Variants in FCHO1 observed in about 807,000 individuals in gnomAD.
FCHO1 encodes the protein F-BAR domain only protein 1.
A neutral mutation model predicts 114.4 loss-of-function variants in FCHO1; 45 were observed. The observed-to-expected ratio is 0.39, with a 90% CI of 0.31 to 0.50. The LOEUF (loss-of-function observed/expected upper bound fraction) is 0.50. Among genes scored for constraint, FCHO1 ranks in the 20% least tolerant of loss-of-function variants. The pLI is 0.77. For missense variants in FCHO1, 1,042 were observed against 1,209.6 expected (o/e 0.86, Z 2.06); for synonymous variants, 480 against 488.9 (o/e 0.98, Z 0.24).
intron 4 of FCHO1, chr19:17,755,539 T>G: frequency 9.9e-6 from 2 of 201,552 alleles, no homozygotes; most frequent in Non-Finnish European, 1.0e-5. Context: ...GCCAGGGAAC[T>G]TCCACCCCCT....
At chr19:17,783,255 T>TG (rs35918593) in intron 24 of FCHO1, 83 bp downstream of exon 24, 1 of 1,387,462 alleles carries the variant, frequency 7.2e-7, no homozygotes, top group Non-Finnish European at 9.7e-7. Flanking sequence ...CTCTGCTTCC[T>TG]GGGATTTTTT....
At chr19:17,781,377 G>A (rs1011997302) in intron 21 of FCHO1, 34 bp downstream of exon 21, 2 of 1,608,768 alleles carry the variant, frequency 1.2e-6, no homozygotes, top group Non-Finnish European at 1.7e-6. Context: ...GCTGGACTGG[G>A]GGTCGCGTCT....
chr19:17,756,934 AT>A (rs1253211138), intron 4 of FCHO1, among the ~76,000 whole-genome samples: 2 of 152,164 alleles, frequency 1.3e-5, no homozygotes, highest in Non-Finnish European at 2.9e-5. Flanking sequence ...CATGCCTGTA[AT>A]CCCAGCACTT....
chr19:17,754,890 G>T, intron 3 of FCHO1: 1 of 487,474 alleles, frequency 2.1e-6, no homozygotes. Flanking sequence ...GTCCAGTTCT[G>T]ACTCTGTGGA....
intron 18 of FCHO1, among the ~76,000 whole-genome samples, chr19:17,777,033 A>G (rs1255142821): frequency 6.6e-6 from 1 of 151,692 alleles, no homozygotes; most frequent in Admixed American, 6.6e-5. Context: ...CCTGACCTCA[A>G]GTGATCTGCC....
intron 9 of FCHO1, among the ~76,000 whole-genome samples, chr19:17,771,254 AAAAAT>A (rs914959671): frequency 3.3e-5 from 5 of 151,990 alleles, no homozygotes; most frequent in Admixed American, 2.0e-4. Flanking sequence ...CCTGTCTCGA[AAAAAT>A]AAAATAAATT....
intron 23 of FCHO1, among the ~76,000 whole-genome samples, chr19:17,782,611 G>A (rs756847716): frequency 2.0e-5 from 3 of 152,196 alleles, no homozygotes; most frequent in Non-Finnish European, 4.4e-5. Flanking sequence ...AAGTGGGTAA[G>A]GGCGTGGGTT....
At chr19:17,774,575 A>AGGG in intron 13 of FCHO1, 97 bp downstream of exon 13, 1 of 942,316 alleles carries the variant, frequency 1.1e-6, no homozygotes, top group Non-Finnish European at 1.6e-6. Context: ...ATAGCCCAGG[A>AGGG]GTATCCATAT....
At chr19:17,768,665 G>T (rs1028244287) in intron 7 of FCHO1, among the ~76,000 whole-genome samples, 2 of 149,538 alleles carry the variant, frequency 1.3e-5, no homozygotes, top group Admixed American at 1.3e-4. Context: ...CACCACTCCA[G>T]CCCGGGCAAC....
intron 1 of FCHO1, among the ~76,000 whole-genome samples, chr19:17,753,153 T>G (rs2082422698): frequency 6.6e-6 from 1 of 152,012 alleles, no homozygotes; most frequent in Non-Finnish European, 1.5e-5. Context: ...CTCTAAGAGA[T>G]TTGGAGATGC....
chr19:17,760,676 A>G (rs916463532), intron 4 of FCHO1, among the ~76,000 whole-genome samples: 9 of 152,044 alleles, frequency 5.9e-5, no homozygotes, highest in African/African-American at 1.9e-4. Context: ...TCTCCATGTA[A>G]GAGGCAGATG....
intron 26 of FCHO1, among the ~76,000 whole-genome samples, chr19:17,786,364 AC>A: frequency 1.8e-5 from 1 of 55,558 alleles, no homozygotes; most frequent in South Asian, 4.1e-4. Context: ...CAAAACAAAC[AC>A]ACACACACAC....
chr19:17,765,264 T>G (rs1274698678), intron 6 of FCHO1, among the ~76,000 whole-genome samples: 1 of 151,800 alleles, frequency 6.6e-6, no homozygotes, highest in African/African-American at 2.4e-5. Context: ...GCGTGGCATG[T>G]TTACGGAAGA....
At chr19:17,765,622 A>G (rs1008532017) in intron 6 of FCHO1, among the ~76,000 whole-genome samples, 8 of 151,882 alleles carry the variant, frequency 5.3e-5, no homozygotes, top group Admixed American at 5.3e-4. Context: ...GCAGTGAGCC[A>G]TGATTGTACC....
intron 4 of FCHO1, among the ~76,000 whole-genome samples, chr19:17,760,374 C>T (rs2146492650): frequency 6.6e-6 from 1 of 151,974 alleles, no homozygotes; most frequent in East Asian, 1.9e-4. Flanking sequence ...TAATGGACAG[C>T]TTAGTAGTGT....
chr19:17,770,102 C>G (rs1187996760), intron 7 of FCHO1, among the ~76,000 whole-genome samples: 1 of 152,072 alleles, frequency 6.6e-6, no homozygotes, highest in Admixed American at 6.6e-5. Context: ...GAGTTAGAGA[C>G]CAGCCTGGCC....
chr19:17,776,648 G>GA lies in FCHO1; in HGVS notation c.1224dup (p.Pro409ThrfsTer37), dbSNP rs2092670150. 3 of 1,613,776 alleles carry GA rather than the reference G, an allele frequency of 1.9e-6. No homozygotes were observed. Among genetic ancestry groups the GA allele is most frequent in the Non-Finnish European group, 2.5e-6 (3 of 1,179,972 alleles). Reference sequence around the variant, plus strand: ...CATCTCTTGTAGGGGACGCTGCTGGGAAACCCCAGAGACCTCGGTCTGCCC... The same window carrying GA: ...CATCTCTTGTAGGGGACGCTGCTGGGAAAACCCCAGAGACCTCGGTCTGCCC... On this transcript the variant is annotated frameshift_variant, in exon 18 of 29. Coordinates refer to ENST00000596536, the MANE Select transcript of FCHO1 (RefSeq NM_015122.3). LOFTEE classifies it high-confidence loss of function. The surrounding 1 kb of genome is among the most constrained non-coding windows in gnomAD (Gnocchi z 4.4).
At chr19:17,772,810 C>T in intron 11 of FCHO1, 69 bp downstream of exon 11, 1 of 1,130,434 alleles carries the variant, frequency 8.8e-7, no homozygotes, top group Non-Finnish European at 1.3e-6. Context: ...TGCCACCATG[C>T]CCAGCTAATT....
intron 11 of FCHO1, 146 bp from the exon 12 acceptor site, chr19:17,774,093 G>A: frequency 4.3e-6 from 3 of 690,364 alleles, no homozygotes; most frequent in South Asian, 3.2e-5. Context: ...AATTTTAGCA[G>A]AGACAGGGTT....
Sources: allele counts gnomAD v4.1 joint callset (sites outside exome capture counted in the v4.1 genomes callset), GRCh38; gene constraint gnomAD v4.1.1; non-coding constraint Gnocchi (gnomAD v3.1); transcripts MANE v1.5; gene names NCBI Gene and HGNC (gene_info 2026-07-23, HGNC 2026-07-21).